The following HSD17B12 variants were observed in gnomAD, a reference collection of about 807,000 sequenced individuals.
The protein encoded by HSD17B12 is hydroxysteroid 17-beta dehydrogenase 12.
A neutral mutation model predicts 39.3 loss-of-function variants in HSD17B12; 32 were observed. The ratio of observed to expected loss-of-function variants is 0.81; its 90% confidence interval spans 0.61 to 1.09. HSD17B12 has a LOEUF of 1.09. Ranked by LOEUF, HSD17B12 falls within the 50% of genes least tolerant of loss-of-function variation. HSD17B12 has a pLI of 0.00. For synonymous variants in HSD17B12, 150 were observed against 146.7 expected, an observed-to-expected ratio of 1.02 and a Z score of -0.16; for missense variants, 342 against 382.9, an observed-to-expected ratio of 0.89 and a Z score of 0.89.
At chr11:43,836,199 G>C (rs1381318605) in intron 7 of HSD17B12, among the ~76,000 whole-genome samples, 1 of 152,188 alleles carries the variant, frequency 6.6e-6, no homozygotes, top group African/African-American at 2.4e-5. Flanking sequence ...ATAGGCTGCA[G>C]CTTCAGTGGA....
intron 2 of HSD17B12, among the ~76,000 whole-genome samples, chr11:43,753,615 T>C (rs1950484906): frequency 6.6e-6 from 1 of 151,372 alleles, no homozygotes; most frequent in South Asian, 2.1e-4. Flanking sequence ...GATTTTACTA[T>C]GTTGCCCAGG....
chr11:43,634,719 T>A, the HSD17B12 span, among the ~76,000 whole-genome samples: 1 of 151,962 alleles, frequency 6.6e-6, no homozygotes, highest in African/African-American at 2.4e-5. Flanking sequence ...TCCAGGAGGG[T>A]GGGATTGAAT....
At chr11:43,598,595 G>A in the HSD17B12 span, among the ~76,000 whole-genome samples, 1 of 151,904 alleles carries the variant, frequency 6.6e-6, no homozygotes, top group Non-Finnish European at 1.5e-5. Flanking sequence ...CTTGTGCTCT[G>A]TGCCTGTCAC....
chr11:43,827,461 C>T lies in HSD17B12; in HGVS notation c.502-3515C>T, dbSNP rs572685682. Among the ~76,000 whole-genome samples, 4 of 152,278 alleles carry T rather than the reference C, an allele frequency of 2.6e-5. No homozygotes were observed. The South Asian group carries it at 8.3e-4, about 32-fold the overall frequency. Reference sequence around the variant, plus strand: ...TATAAAATAAAGTTCCTTCTACAAACTGTTGATTACTGACGCTACAGGAGT... The same window carrying T: ...TATAAAATAAAGTTCCTTCTACAAATTGTTGATTACTGACGCTACAGGAGT... On this transcript the variant is annotated intron_variant, in intron 6 of 10. Transcript: ENST00000278353.
chr11:43,779,839 T>C (rs900293895), intron 3 of HSD17B12, among the ~76,000 whole-genome samples: 2 of 152,228 alleles, frequency 1.3e-5, no homozygotes, highest in Non-Finnish European at 2.9e-5. Flanking sequence ...TTGGGTAGGA[T>C]GTTCAAGGAG....
intron 1 of HSD17B12, among the ~76,000 whole-genome samples, chr11:43,699,890 C>A (rs951803482): frequency 6.6e-6 from 1 of 152,196 alleles, no homozygotes; most frequent in Non-Finnish European, 1.5e-5. Context: ...CACTGATCAT[C>A]AGAGAAATGC....
rs1950428072 is a variant in HSD17B12 at position 43,748,046 on chromosome 11, A to T, written c.161-2865A>T. ...GAAGAGGAGAAAAGTGGAAACAATT[A>T]GAATATGTGTATCCATCACTTATGA... On this transcript the variant is annotated intron_variant, in intron 1 of 10. Coordinates refer to ENST00000278353, the MANE Select transcript of HSD17B12 (RefSeq NM_016142.3). Among the ~76,000 whole-genome samples, 3 of 152,244 alleles carry T rather than the reference A, an allele frequency of 2.0e-5. No homozygotes were observed. The South Asian group carries it at 6.2e-4, about 31-fold the overall frequency.
At chr11:43,746,396 A>G (rs1950412914) in intron 1 of HSD17B12, among the ~76,000 whole-genome samples, 1 of 152,034 alleles carries the variant, frequency 6.6e-6, no homozygotes, top group Non-Finnish European at 1.5e-5. Context: ...TTTTTTGTTA[A>G]AAACAGAGAT....
At chr11:43,802,566 G>A (rs983928821) in intron 4 of HSD17B12, among the ~76,000 whole-genome samples, 1 of 152,106 alleles carries the variant, frequency 6.6e-6, no homozygotes, top group Admixed American at 6.5e-5. Context: ...GTTTGTATGA[G>A]GGAATTATGA....
At chr11:43,612,103 G>T in the HSD17B12 span, among the ~76,000 whole-genome samples, 3 of 152,030 alleles carry the variant, frequency 2.0e-5, no homozygotes, top group African/African-American at 4.8e-5. Flanking sequence ...CTCCTTTCTG[G>T]CTGAAAATGA....
upstream of HSD17B12, among the ~76,000 whole-genome samples, chr11:43,679,025 C>A (rs1311332339): frequency 4.6e-5 from 7 of 152,160 alleles, no homozygotes; most frequent in African/African-American, 1.4e-4. Flanking sequence ...TTACCTTGGG[C>A]AGTATGGCCA....
chr11:43,654,343 G>A, the HSD17B12 span, among the ~76,000 whole-genome samples: 1 of 152,122 alleles, frequency 6.6e-6, no homozygotes, highest in African/African-American at 2.4e-5. Flanking sequence ...CATTCTGTAG[G>A]TTGCCTGTTC....
chr11:43,850,180 G>GATAA (rs1951516851), intron 9 of HSD17B12, among the ~76,000 whole-genome samples: 1 of 152,142 alleles, frequency 6.6e-6, no homozygotes, highest in Non-Finnish European at 1.5e-5. Context: ...AAGGGTTTCT[G>GATAA]CCAAGTAGAT....
chr11:43,560,860 A>T, the HSD17B12 span, among the ~76,000 whole-genome samples: 2 of 152,208 alleles, frequency 1.3e-5, no homozygotes, highest in African/African-American at 4.8e-5. Context: ...GAAGTAACCT[A>T]GACTTCAGGC....
At chr11:43,603,511 G>GTCTTGGGAGAC in the HSD17B12 span, among the ~76,000 whole-genome samples, 1 of 152,132 alleles carries the variant, frequency 6.6e-6, no homozygotes, top group Non-Finnish European at 1.5e-5. Flanking sequence ...ATTCTAAGTA[G>GTCTTGGGAGAC]AAGAACTGAT....
chr11:43,562,819 C>T, the HSD17B12 span, among the ~76,000 whole-genome samples: 1 of 152,218 alleles, frequency 6.6e-6, no homozygotes, highest in South Asian at 2.1e-4. Context: ...GGAGCTTTCA[C>T]TTCAACTAGG....
intron 1 of HSD17B12, chr11:43,733,678 C>CTTAA: frequency 2.1e-6 from 1 of 471,250 alleles, no homozygotes; most frequent in Non-Finnish European, 4.0e-6. Flanking sequence ...TCTTTAGTAA[C>CTTAA]TTTTAAAAAA....
intron 3 of HSD17B12, among the ~76,000 whole-genome samples, chr11:43,783,062 T>C (rs1331469019): frequency 6.6e-6 from 1 of 152,140 alleles, no homozygotes; most frequent in Non-Finnish European, 1.5e-5. Flanking sequence ...TAATAATCAA[T>C]GTATCAAGGA....
intron 1 of HSD17B12, among the ~76,000 whole-genome samples, chr11:43,727,589 G>T (rs368829727): frequency 3.6e-4 from 54 of 151,934 alleles, no homozygotes; most frequent in African/African-American, 1.2e-3. Flanking sequence ...TGAGTAGCTG[G>T]GATTACAGGC....
Sources: gnomAD v4.1 joint callset for allele counts (sites outside exome capture counted in the v4.1 genomes callset) on GRCh38, gnomAD v4.1.1 for gene constraint, MANE v1.5 for transcripts, NCBI Gene and HGNC (gene_info 2026-07-23, HGNC 2026-07-21) for gene names.